FTCD: variants seen among roughly 807,000 people sequenced by gnomAD.
FTCD encodes formimidoyltransferase cyclodeaminase.
FTCD carries 76 observed loss-of-function variants against 62.9 expected under a neutral mutation model. The observed-to-expected ratio is 1.21, with a 90% CI of 1.00 to 1.46. The LOEUF is 1.46. FTCD is among the 40% of genes most tolerant of loss of function. FTCD has a pLI of 0.00. For synonymous variants in FTCD, 397 were observed against 336.9 expected, an observed-to-expected ratio of 1.18 and a Z score of -1.95; for missense variants, 845 against 751.3, an observed-to-expected ratio of 1.12 and a Z score of -1.46.
At position 46,137,072 on chromosome 21, in the gene FTCD, A is replaced by T; in HGVS notation, c.1541T>A (p.Ile514Asn). ...CAGGAGGCTGGAAACACGATGGTGG[A>T]TCTGATGGACACAGGGAAAGAGGGG... ...DITDEAFKDQIHHRVSSLLQE... is the reference protein window; with the variant it reads ...DITDEAFKDQNHHRVSSLLQE... Residue 514 changes from isoleucine to asparagine, a missense_variant and splice_region_variant, in exon 14 of 14, where the codon ATC becomes AAC. By Grantham distance (149) the Ile-to-Asn change is moderately radical. Coordinates refer to ENST00000397746, the MANE Select transcript of FTCD (RefSeq NM_206965.2). 1 of 1,613,790 alleles carries T rather than the reference A, an allele frequency of 6.2e-7. No homozygotes were observed. Among genetic ancestry groups the T allele is most frequent in the Non-Finnish European group, 8.5e-7 (1 of 1,180,014 alleles).
At chr21:46,140,969 A>C (rs1350183266) in intron 10 of FTCD, among the ~76,000 whole-genome samples, 1 of 151,094 alleles carries the variant, frequency 6.6e-6, no homozygotes, top group Non-Finnish European at 1.5e-5. Flanking sequence ...GATTTCGACC[A>C]CTGATGCCTA....
At chr21:46,136,287 G>T, downstream of FTCD, 3 of 630,696 alleles carry the variant, frequency 4.8e-6, no homozygotes, top group Non-Finnish European at 8.3e-6. Flanking sequence ...TTTTTTAATG[G>T]AGAACTTCTC....
Position 46,137,287 on chromosome 21 carries a change from G to A in FTCD, c.1491C>T (p.Asn497=), listed in dbSNP as rs760493012. Residue 497 remains asparagine, a synonymous_variant, in exon 13 of 14, where the codon AAC becomes AAT. Coordinates refer to ENST00000397746, the MANE Select transcript of FTCD (RefSeq NM_206965.2). Reference sequence around the variant, plus strand: ...TGATGTCCCTCAGGTTGATGAGCACGTTGAAATATGCGCCAAACACGCCCA... The same window carrying A: ...TGATGTCCCTCAGGTTGATGAGCACATTGAAATATGCGCCAAACACGCCCA... ...LEMGVFGAYF[N]VLINLRDITD... 1.6e-5 allele frequency: 26 copies of A among 1,613,756 alleles called. No homozygotes were observed. The highest frequency in any genetic ancestry group is 6.7e-5 in the Admixed American group (4 of 60,016).
At chr21:46,139,994 T>G (rs2078959470) in intron 10 of FTCD, among the ~76,000 whole-genome samples, 1 of 152,236 alleles carries the variant, frequency 6.6e-6, no homozygotes, top group South Asian at 2.1e-4. Context: ...CGTTTTGTTT[T>G]CTGTGATTTA....
downstream of FTCD, chr21:46,136,489 G>T (rs759470658): frequency 6.2e-7 from 1 of 1,612,526 alleles, no homozygotes; most frequent in Admixed American, 1.7e-5. Flanking sequence ...GCTGTCCCTG[G>T]GGTTTCTGTC....
In FTCD at chr21:46,145,408, G is replaced by T; in HGVS notation, c.1260+9C>A. On this transcript the variant is annotated intron_variant, in intron 10 of 13. Coordinates refer to ENST00000397746, the MANE Select transcript of FTCD (RefSeq NM_206965.2). ...GGGCCCGGGGAGCCCTGCTGTGGCC[G>T]CCACTCACCAGGTAGGCGGTGAAGG... The T allele has an allele frequency of 6.5e-7, 1 of 1,538,536 alleles. No homozygotes were observed. Among genetic ancestry groups the T allele is most frequent in the Non-Finnish European group, 8.8e-7 (1 of 1,140,558 alleles).
chr21:46,146,104 C>A (rs1387771738), intron 8 of FTCD, among the ~76,000 whole-genome samples, 157 bp from the exon 9 acceptor site: 1 of 151,972 alleles, frequency 6.6e-6, no homozygotes, highest in Non-Finnish European at 1.5e-5. Context: ...TCTGTGCCCC[C>A]CTCAGCCCCC....
chr21:46,136,413 A>C (rs781488335), downstream of FTCD: 10 of 1,610,340 alleles, frequency 6.2e-6, no homozygotes, highest in East Asian at 1.6e-4. Flanking sequence ...TGCTCTGTGG[A>C]ACTGTCCAGA....
intron 1 of FTCD, among the ~76,000 whole-genome samples, chr21:46,155,228 C>T (rs2079401501): frequency 6.6e-6 from 1 of 152,202 alleles, no homozygotes; most frequent in African/African-American, 2.4e-5. Context: ...CCCGAAAGGC[C>T]CCTGAAGCCA....
In FTCD at chr21:46,153,014, G is replaced by GT; in HGVS notation, c.259_260insA (p.Ala87AspfsTer17). The stretch of plus-strand genomic sequence containing the variant: ...GGGGATGAAGGGGCAGACGTCTAGG[G>GT]CCCCCATGCGGGGGTGCTCTCCTGC... On this transcript the variant is annotated frameshift_variant, in exon 3 of 14. Transcript: ENST00000397746. LOFTEE classifies it high-confidence loss of function. 6.5e-7 allele frequency: 1 copy of GT among 1,549,504 alleles called. No homozygotes were observed. The highest frequency in any genetic ancestry group is 8.7e-7 in the Non-Finnish European group (1 of 1,146,860).
At chr21:46,147,584 C>G (rs1278792337) in intron 7 of FTCD, among the ~76,000 whole-genome samples, 1 of 152,114 alleles carries the variant, frequency 6.6e-6, no homozygotes, top group Admixed American at 6.5e-5. Context: ...GGAGGCAGCA[C>G]GCAGCCACGG....
chr21:46,142,094 G>A (rs930240802), intron 10 of FTCD: 20 of 152,314 alleles, frequency 1.3e-4, no homozygotes, highest in African/African-American at 4.8e-4. Context: ...ACTGTAAAAA[G>A]TAAATAAATA....
At chr21:46,152,127 T>C in intron 3 of FTCD, 147 bp from the exon 4 acceptor site, 1 of 616,292 alleles carries the variant, frequency 1.6e-6, no homozygotes, top group Non-Finnish European at 2.8e-6. Context: ...GTTCTCCGCC[T>C]TGGATGGATG....
chr21:46,151,052 G>A (rs2123560515), intron 5 of FTCD, among the ~76,000 whole-genome samples: 1 of 152,356 alleles, frequency 6.6e-6, no homozygotes, highest in South Asian at 2.1e-4. Context: ...TGGGACCGGG[G>A]TCTCTGAGTG....
In FTCD at chr21:46,138,654, G is replaced by C; in HGVS notation, c.1305-8C>G. On this transcript the variant is annotated splice_region_variant and splice_polypyrimidine_tract_variant and intron_variant, in intron 11 of 13. Coordinates refer to ENST00000397746, the MANE Select transcript of FTCD (RefSeq NM_206965.2). The stretch of plus-strand genomic sequence containing the variant: ...TGTAGGGCCGCCGTGCGCCTGAAAG[G>C]AGCAAGAGGAGAGCCTGAGCACAGC... 1 of 1,596,140 alleles carries C rather than the reference G, an allele frequency of 6.3e-7. No homozygotes were observed. The highest frequency in any genetic ancestry group is 8.5e-7 in the Non-Finnish European group (1 of 1,178,076).
At chr21:46,152,470 G>A (rs1394841840) in intron 3 of FTCD, 6 of 202,612 alleles carry the variant, frequency 3.0e-5, no homozygotes, top group African/African-American at 1.4e-4. Flanking sequence ...GGGGTTACGT[G>A]TGCCCTGCAC....
chr21:46,140,192 G>A (rs2078964564), intron 10 of FTCD, among the ~76,000 whole-genome samples: 2 of 151,652 alleles, frequency 1.3e-5, no homozygotes, highest in Non-Finnish European at 2.9e-5. Flanking sequence ...CACAGGGAGT[G>A]TACACCAACC....
chr21:46,146,137 G>A (rs2079142273), intron 8 of FTCD, 129 bp downstream of exon 8: 3 of 793,860 alleles, frequency 3.8e-6, no homozygotes, highest in South Asian at 1.5e-5. Flanking sequence ...GGCGCAGGCC[G>A]AGTAGGCGCC....
downstream of FTCD, chr21:46,136,769 A>G (rs927826214): frequency 2.0e-6 from 3 of 1,504,242 alleles, no homozygotes; most frequent in African/African-American, 4.2e-5. Flanking sequence ...CCGCCAACAC[A>G]CAACACAGGT....
Sources: allele counts gnomAD v4.1 joint callset (sites outside exome capture counted in the v4.1 genomes callset), GRCh38; gene constraint gnomAD v4.1.1; transcripts MANE v1.5; gene names NCBI Gene and HGNC (gene_info 2026-07-23, HGNC 2026-07-21).